The following BRCA1 variants were observed in gnomAD, a reference collection of about 807,000 sequenced individuals.
The protein encoded by BRCA1 is BRCA1 DNA repair associated.
Under a neutral mutation model 173.7 loss-of-function variants are expected in BRCA1, and 140 were observed. The ratio of observed to expected loss-of-function variants is 0.81; its 90% CI spans 0.70 to 0.93. The LOEUF (loss-of-function observed/expected upper bound fraction) is 0.93. Among genes scored for constraint, BRCA1 ranks in the 40% least tolerant of loss-of-function variants. BRCA1 has a pLI of 0.00. For synonymous variants in BRCA1, 662 were observed against 756.0 expected (o/e 0.88, Z 2.04); for missense variants, 1,983 against 2,172.5 (o/e 0.91, Z 1.73).
chr17:43,136,509 G>T (rs373279855), intron 1 of BRCA1, among the ~76,000 whole-genome samples: 5 of 152,274 alleles, frequency 3.3e-5, no homozygotes, highest in African/African-American at 1.2e-4. Flanking sequence ...ACCACAGAAT[G>T]GGAGAAAATT....
chr17:43,054,816 C>T (rs911049395), intron 19 of BRCA1, among the ~76,000 whole-genome samples: 2 of 150,930 alleles, frequency 1.3e-5, no homozygotes, highest in African/African-American at 4.9e-5. Flanking sequence ...AATCTTGGCT[C>T]ACTGCAACCT....
At chr17:43,160,685 G>A (rs375066404) in intron 1 of BRCA1, 18 of 152,100 alleles carry the variant, frequency 1.2e-4, no homozygotes, top group African/African-American at 4.3e-4. Context: ...GCAGAAATTG[G>A]GCATAAGACA....
At chr17:43,153,557 C>CT (rs1284249462) in intron 1 of BRCA1, 1 of 151,850 alleles carries the variant, frequency 6.6e-6, no homozygotes, top group Admixed American at 6.6e-5. Context: ...ACAGATCTCC[C>CT]CCACCCCACC....
chr17:43,093,813 G>A lies in BRCA1; in HGVS notation c.1718C>T (p.Ser573Leu), dbSNP rs876660434. 1.9e-6 allele frequency: 3 copies of A among 1,613,350 alleles called. No individual in the cohort carries two copies. The highest frequency in any genetic ancestry group is 1.7e-6 in the Non-Finnish European group (2 of 1,179,872). Residue 573 changes from serine (S) to leucine (L), a missense_variant, in exon 10 of 23, where the codon TCA becomes TTA. Physicochemically the swap from Ser to Leu is moderately radical, Grantham distance 145. Coordinates refer to ENST00000357654, the MANE Select transcript of BRCA1 (RefSeq NM_007294.4). ...QNEKNPNPIESLEKESAFKTK... is the reference protein window; with the variant it reads ...QNEKNPNPIELLEKESAFKTK... ...TTTGAAAGCAGATTCTTTTTCGAGT[G>A]ATTCTATTGGGTTAGGATTTTTCTC...
chr17:43,045,609 G>T lies in BRCA1; in HGVS notation c.*69C>A, dbSNP rs2152454337. The T allele has an allele frequency of 6.2e-7, 1 of 1,601,020 alleles. No homozygotes were observed. The highest frequency in any genetic ancestry group is 8.5e-7 in the Non-Finnish European group (1 of 1,169,828). On this transcript the variant is annotated 3_prime_UTR_variant, in exon 23 of 23. Coordinates refer to ENST00000357654, the MANE Select transcript of BRCA1 (RefSeq NM_007294.4). Reference sequence around the variant, plus strand: ...ACTGAAGAGTGAGAGGAGCTCCCAGGGCCTGGAAAGGCCACTTTGTAAGCT... The same window carrying T: ...ACTGAAGAGTGAGAGGAGCTCCCAGTGCCTGGAAAGGCCACTTTGTAAGCT...
At chr17:43,077,426 G>A (rs1386731326) in intron 12 of BRCA1, among the ~76,000 whole-genome samples, 2 of 152,016 alleles carry the variant, frequency 1.3e-5, no homozygotes, top group African/African-American at 2.4e-5. Context: ...CACCTCCTGG[G>A]TTCAAGCGAT....
intron 1 of BRCA1, chr17:43,161,852 G>C (rs1416098726): frequency 6.6e-6 from 1 of 152,156 alleles, no homozygotes; most frequent in East Asian, 1.9e-4. Context: ...TACATAACAT[G>C]AAGTGACAGT....
rs1408554738 is a variant in BRCA1, at chr17:43,090,897, A to G, written c.4185+47T>C. The G allele has an allele frequency of 2.0e-6, 3 of 1,522,304 alleles. No individual in the cohort carries two copies. Among genetic ancestry groups the G allele is most frequent in the Non-Finnish European group, 2.7e-6 (3 of 1,112,086 alleles). The allele number at this position is 1,522,304 out of a possible 1,614,324, so 94.3% of individuals were successfully genotyped here. Reference sequence around the variant, plus strand: ...ATGTGGGATACATACTACTGAATGCAAAGGACACCACACACACGCATGTGC... The same window carrying G: ...ATGTGGGATACATACTACTGAATGCGAAGGACACCACACACACGCATGTGC... On this transcript the variant is annotated intron_variant, in intron 11 of 22. Coordinates refer to ENST00000357654, the MANE Select transcript of BRCA1 (RefSeq NM_007294.4).
At chr17:43,147,051 C>G (rs2056127058) in intron 1 of BRCA1, among the ~76,000 whole-genome samples, 1 of 152,060 alleles carries the variant, frequency 6.6e-6, no homozygotes, top group African/African-American at 2.4e-5. Context: ...GTTGCCCAGG[C>G]TAGAGTGCAA....
At chr17:43,053,048 T>C (rs564791752) in intron 19 of BRCA1, among the ~76,000 whole-genome samples, 1 of 152,078 alleles carries the variant, frequency 6.6e-6, no homozygotes, top group South Asian at 2.1e-4. Flanking sequence ...GGCTAATTTT[T>C]TGTATTTTTA....
intron 1 of BRCA1, among the ~76,000 whole-genome samples, chr17:43,151,180 T>C (rs1443732943): frequency 6.6e-6 from 1 of 152,248 alleles, no homozygotes; most frequent in Non-Finnish European, 1.5e-5. Context: ...TTTGGGTATC[T>C]ATTTACATAG....
chr17:43,106,529 A>C lies in BRCA1; in HGVS notation c.139T>G (p.Cys47Gly), dbSNP rs80357370. The C allele has an allele frequency of 6.3e-7, 1 of 1,588,218 alleles. No individual in the cohort carries two copies. The highest frequency in any genetic ancestry group is 8.6e-7 in the Non-Finnish European group (1 of 1,157,822). Residue 47 changes from cysteine (C) to glycine (G), a missense_variant, in exon 4 of 23, where the codon TGC (cysteine) becomes GGC (glycine). Physicochemically the swap from Cys to Gly is radical, Grantham distance 159. Coordinates refer to ENST00000357654, the MANE Select transcript of BRCA1 (RefSeq NM_007294.4). Reference sequence around the variant, plus strand: ...TTCTGGTTGAGAAGTTTCAGCATGCAAAATCTATAAATTATAAAGAAAGAA... The same window carrying C: ...TTCTGGTTGAGAAGTTTCAGCATGCCAAATCTATAAATTATAAAGAAAGAA... ...TKCDHIFCKF[C>G]MLKLLNQKKG...
chr17:43,066,271 T>C (rs1416709093), intron 16 of BRCA1, among the ~76,000 whole-genome samples: 1 of 152,190 alleles, frequency 6.6e-6, no homozygotes, highest in Non-Finnish European at 1.5e-5. Context: ...GGACAAATGA[T>C]CTGTCTCCTC....
intron 1 of BRCA1, chr17:43,144,951 C>T: frequency 3.3e-6 from 2 of 601,626 alleles, no homozygotes; most frequent in Non-Finnish European, 6.4e-6. Flanking sequence ...TTCCCTGCTG[C>T]CAGGATGCCC....
At chr17:43,134,535 T>C (rs375262740) in intron 1 of BRCA1, among the ~76,000 whole-genome samples, 18 of 152,348 alleles carry the variant, frequency 1.2e-4, no homozygotes, top group African/African-American at 4.3e-4. Flanking sequence ...AGGATCATGC[T>C]GTGGCAGTTG....
At chr17:43,109,913 T>TA (rs1254240885) in intron 3 of BRCA1, among the ~76,000 whole-genome samples, 1 of 151,748 alleles carries the variant, frequency 6.6e-6, no homozygotes, top group Non-Finnish European at 1.5e-5. Flanking sequence ...TTTTTTTTTT[T>TA]AGACGGAGTC....
rs963753623 is a variant in BRCA1 at position 43,104,762 on chromosome 17, C to T, written c.301+106G>A. 3.0e-6 allele frequency: 3 copies of T among 999,674 alleles called. No individual in the cohort carries two copies. In the Admixed American group the frequency reaches 5.3e-5, roughly 18 times the overall value. 61.9% of individuals were successfully genotyped at this position (999,674 alleles called of 1,614,324 possible). A position where few individuals can be genotyped will look rare whatever the true frequency, so the allele number is the denominator to read the frequency against. The stretch of plus-strand genomic sequence containing the variant: ...TTACAGATACAGAACTAAAATTAAC[C>T]TAGACTAAAAGGTCTTATCACCACG... On this transcript the variant is annotated intron_variant, in intron 5 of 22. Transcript: ENST00000357654.
chr17:43,143,349 A>G (rs2056093239), intron 1 of BRCA1, among the ~76,000 whole-genome samples: 1 of 152,150 alleles, frequency 6.6e-6, no homozygotes, highest in South Asian at 2.1e-4. Context: ...TGGGGCAGGC[A>G]GCTAAAGAAC....
At chr17:43,100,749 T>C (rs2054437706) in intron 6 of BRCA1, among the ~76,000 whole-genome samples, 1 of 124,098 alleles carries the variant, frequency 8.1e-6, no homozygotes, top group Non-Finnish European at 1.7e-5. Flanking sequence ...TTTTTTTTTT[T>C]TGAGACAGAA....
Sources: allele counts gnomAD v4.1 joint callset (sites outside exome capture counted in the v4.1 genomes callset), GRCh38; gene constraint gnomAD v4.1.1; transcripts MANE v1.5; gene names NCBI Gene and HGNC (gene_info 2026-07-23, HGNC 2026-07-21).